The following PDE4D variants were observed in gnomAD, a reference collection of about 807,000 sequenced individuals.
PDE4D encodes 3',5'-cyclic-AMP phosphodiesterase 4D.
A neutral mutation model predicts 87.4 loss-of-function variants in PDE4D; 24 were observed. That is an observed-to-expected ratio of 0.27 (90% CI 0.20 to 0.39). The LOEUF (loss-of-function observed/expected upper bound fraction) is 0.39. Ranked by LOEUF, PDE4D falls within the 10% of genes least tolerant of loss-of-function variation. The pLI, the probability that PDE4D is intolerant of heterozygous loss-of-function variation, is 1.00. For synonymous variants in PDE4D, 384 were observed against 383.2 expected, an observed-to-expected ratio of 1.00 and a Z score of -0.02; for missense variants, 714 against 1,041.0, an observed-to-expected ratio of 0.69 and a Z score of 4.32.
chr5:59,285,389 A>AT (rs1766725958), intron 1 of PDE4D, among the ~76,000 whole-genome samples: 1 of 152,006 alleles, frequency 6.6e-6, no homozygotes, highest in African/African-American at 2.4e-5. Flanking sequence ...CATTTGCTTC[A>AT]TGGCTGGAAT....
intron 1 of PDE4D, among the ~76,000 whole-genome samples, chr5:60,233,196 T>TACAC (rs146827902): frequency 8.8e-5 from 13 of 147,414 alleles, no homozygotes; most frequent in East Asian, 3.9e-4. Context: ...CACACACACA[T>TACAC]ACACACACAC....
At chr5:59,874,578 TA>T (rs891179398) in intron 1 of PDE4D, among the ~76,000 whole-genome samples, 10 of 151,686 alleles carry the variant, frequency 6.6e-5, no homozygotes, top group South Asian at 2.1e-4. Context: ...TTATCCATTT[TA>T]AAAAAAAATA....
At chr5:60,224,773 A>G (rs997599048) in intron 1 of PDE4D, among the ~76,000 whole-genome samples, 3 of 152,230 alleles carry the variant, frequency 2.0e-5, no homozygotes, top group Non-Finnish European at 4.4e-5. Flanking sequence ...CCACCAGGCT[A>G]GCCCACATTC....
intron 1 of PDE4D, among the ~76,000 whole-genome samples, chr5:60,207,197 A>C (rs547558256): frequency 3.3e-5 from 5 of 152,326 alleles, no homozygotes; most frequent in African/African-American, 7.2e-5. Context: ...GTGGCTAATA[A>C]GGAGGAAGGA....
chr5:59,669,784 C>G (rs56896934), intron 1 of PDE4D, among the ~76,000 whole-genome samples: 5,080 of 152,154 alleles, frequency 0.033, 282 homozygotes, highest in African/African-American at 0.12. Flanking sequence ...GACACCCCCC[C>G]CAATAGTCCA....
intron 1 of PDE4D, among the ~76,000 whole-genome samples, chr5:59,683,323 T>C (rs34667424): frequency 6.6e-6 from 1 of 152,062 alleles, no homozygotes; most frequent in Admixed American, 6.6e-5. Context: ...TGGTGAGGGG[T>C]ATCTGGGAAT....
chr5:59,517,097 G>A (rs1220669713), intron 1 of PDE4D, among the ~76,000 whole-genome samples: 1 of 152,002 alleles, frequency 6.6e-6, no homozygotes, highest in African/African-American at 2.4e-5. Context: ...TGAGAAATAC[G>A]AAAAACTATT....
At chr5:59,833,532 T>C (rs1741560698) in intron 1 of PDE4D, among the ~76,000 whole-genome samples, 1 of 152,042 alleles carries the variant, frequency 6.6e-6, no homozygotes, top group Non-Finnish European at 1.5e-5. Flanking sequence ...CAGAAAGAAC[T>C]TTCTGAGAAG....
intron 1 of PDE4D, among the ~76,000 whole-genome samples, chr5:59,686,126 C>T (rs547497133): frequency 6.6e-6 from 1 of 152,104 alleles, no homozygotes; most frequent in Non-Finnish European, 1.5e-5. Context: ...CAAGTTTACT[C>T]TGAGTACACT....
intron 1 of PDE4D, among the ~76,000 whole-genome samples, chr5:59,244,840 G>T (rs1051300389): frequency 2.7e-5 from 4 of 150,336 alleles, no homozygotes; most frequent in African/African-American, 9.8e-5. Flanking sequence ...GTGTGTATAT[G>T]CTTTAAAGGT....
At chr5:59,759,390 G>A (rs77576550) in intron 1 of PDE4D, among the ~76,000 whole-genome samples, 3,991 of 152,238 alleles carry the variant, frequency 0.026, 201 homozygotes, top group African/African-American at 0.091. Flanking sequence ...GCTTCAGCTC[G>A]TACGAACAGG....
At chr5:59,436,661 T>A (rs1039438128) in intron 1 of PDE4D, among the ~76,000 whole-genome samples, 12 of 152,330 alleles carry the variant, frequency 7.9e-5, no homozygotes, top group Admixed American at 6.5e-4. Context: ...TTTGATCAAA[T>A]CAATCAACTG....
Position 58,969,876 on chromosome 5 carries a change from G to C in PDE4D, c.*4788C>G, listed in dbSNP as rs1192622947. 1 of 151,998 alleles carries C rather than the reference G, an allele frequency of 6.6e-6. No homozygotes were observed. The highest frequency in any genetic ancestry group is 1.5e-5 in the Non-Finnish European group (1 of 68,010). The allele number at this position is 151,998 out of a possible 1,614,324, so 9.4% of individuals were successfully genotyped here. On this transcript the variant is annotated 3_prime_UTR_variant, in exon 15 of 15. Coordinates refer to ENST00000340635, the MANE Select transcript of PDE4D (RefSeq NM_001104631.2). ...GAAAACACCATGCTTAATCTTATAG[G>C]CCATCTAAGTAATTTTGGTAATTTT...
intron 1 of PDE4D, among the ~76,000 whole-genome samples, chr5:59,346,335 C>G (rs958047869): frequency 2.6e-5 from 4 of 151,972 alleles, no homozygotes; most frequent in Non-Finnish European, 5.9e-5. Flanking sequence ...CATTTTATAC[C>G]AAATAGATCC....
intron 2 of PDE4D, among the ~76,000 whole-genome samples, chr5:60,032,208 A>G (rs1046678600): frequency 6.6e-6 from 1 of 152,228 alleles, no homozygotes; most frequent in African/African-American, 2.4e-5. Context: ...GATAACCATG[A>G]TGAAGATAGT....
At chr5:60,178,261 C>T (rs931753900) in intron 2 of PDE4D, among the ~76,000 whole-genome samples, 5 of 152,086 alleles carry the variant, frequency 3.3e-5, no homozygotes, top group Admixed American at 6.6e-5. Flanking sequence ...ATTCTCCCTT[C>T]CTGCATTAGG....
At chr5:60,075,967 T>G (rs1386919560) in intron 2 of PDE4D, among the ~76,000 whole-genome samples, 2 of 152,192 alleles carry the variant, frequency 1.3e-5, no homozygotes, top group Non-Finnish European at 2.9e-5. Context: ...TTCTGAATCT[T>G]GATGATCTTC....
chr5:60,141,600 C>G (rs1170946132), intron 2 of PDE4D, among the ~76,000 whole-genome samples: 1 of 152,072 alleles, frequency 6.6e-6, no homozygotes, highest in African/African-American at 2.4e-5. Flanking sequence ...TTGCTTACCC[C>G]CTTTACTCTC....
intron 1 of PDE4D, among the ~76,000 whole-genome samples, chr5:60,435,846 T>G (rs1196613876): frequency 2.0e-5 from 3 of 152,092 alleles, no homozygotes; most frequent in Non-Finnish European, 2.9e-5. Context: ...TAGGACAAGT[T>G]GAGTGTTCTT....
Sources: allele counts gnomAD v4.1 joint callset (sites outside exome capture counted in the v4.1 genomes callset), GRCh38; gene constraint gnomAD v4.1.1; transcripts MANE v1.5; gene names NCBI Gene and HGNC (gene_info 2026-07-23, HGNC 2026-07-21).